KCNQ5: variants seen among roughly 807,000 people sequenced by gnomAD.
KCNQ5 encodes the protein potassium voltage-gated channel subfamily Q member 5, also known as potassium voltage-gated channel subfamily KQT member 5.
KCNQ5 carries 30 observed loss-of-function variants against 98.2 expected under a neutral mutation model. The observed-to-expected ratio is 0.31, with a 90% CI of 0.23 to 0.41. The LOEUF (loss-of-function observed/expected upper bound fraction) is 0.41, where lower values mean the gene tolerates loss of function less well. KCNQ5 is among the 10% of genes least tolerant of loss of function. The pLI is 1.00. For missense variants in KCNQ5, 835 were observed against 1,182.5 expected (o/e 0.71, Z 4.31); for synonymous variants, 458 against 449.4 (o/e 1.02, Z -0.24).
At chr6:72,697,352 A>G (rs1276812243) in intron 1 of KCNQ5, among the ~76,000 whole-genome samples, 1 of 152,190 alleles carries the variant, frequency 6.6e-6, no homozygotes, top group African/African-American at 2.4e-5. Flanking sequence ...AAAGGGCCAT[A>G]TAGAAGTTAT....
intron 1 of KCNQ5, among the ~76,000 whole-genome samples, chr6:72,624,894 T>C (rs1360197523): frequency 6.6e-6 from 1 of 152,208 alleles, no homozygotes; most frequent in African/African-American, 2.4e-5. Context: ...AGCTTTAGAA[T>C]AGCCAGACTT....
rs74688590 is a variant in KCNQ5, at chr6:72,751,922, A to G, written c.398+129335A>G. On this transcript the variant is annotated intron_variant, in intron 1 of 13. Transcript: ENST00000370398. ...TAAAGATAGGAAAGTGATGCTCAAGATATTTATATAAATTTCACCAAGTAG... is the reference window on the plus strand; with the variant it reads ...TAAAGATAGGAAAGTGATGCTCAAGGTATTTATATAAATTTCACCAAGTAG... 1.6e-4 allele frequency among the ~76,000 whole-genome samples: 25 copies of G among 152,260 alleles called. No individual in the cohort carries two copies. In the East Asian group the frequency reaches 4.8e-3, roughly 29 times the overall value.
chr6:72,806,942 A>G (rs1350983975), intron 1 of KCNQ5: 1 of 344,366 alleles, frequency 2.9e-6, no homozygotes, highest in Non-Finnish European at 5.6e-6. Flanking sequence ...ATAAACATTC[A>G]GTTTTATAAG....
chr6:73,047,149 T>C (rs750480816), intron 3 of KCNQ5, among the ~76,000 whole-genome samples: 2 of 152,246 alleles, frequency 1.3e-5, no homozygotes, highest in African/African-American at 2.4e-5. Context: ...TTGAACCTTA[T>C]CTATTGTCAT....
chr6:73,158,072 C>T, intron 10 of KCNQ5: 1 of 548,594 alleles, frequency 1.8e-6, no homozygotes, highest in Non-Finnish European at 3.4e-6. Flanking sequence ...CAGGACGCCG[C>T]CGGAACCCGC....
intron 5 of KCNQ5, among the ~76,000 whole-genome samples, chr6:73,087,592 GGAAA>G: frequency 6.6e-6 from 1 of 152,024 alleles, no homozygotes; most frequent in East Asian, 1.9e-4. Context: ...AAGATCACCT[GGAAA>G]GAGAGAAAAA....
intron 1 of KCNQ5, among the ~76,000 whole-genome samples, chr6:72,663,029 T>C (rs1458558972): frequency 2.0e-5 from 3 of 152,070 alleles, no homozygotes; most frequent in African/African-American, 7.2e-5. Context: ...TAATCCTGTT[T>C]CTCAAGAACA....
chr6:73,027,520 G>T (rs1392383234), intron 2 of KCNQ5, among the ~76,000 whole-genome samples: 1 of 152,220 alleles, frequency 6.6e-6, no homozygotes, highest in Non-Finnish European at 1.5e-5. Context: ...GATACTTAGA[G>T]AATCTCTGCT....
intron 1 of KCNQ5, among the ~76,000 whole-genome samples, chr6:72,803,128 A>G (rs538623678): frequency 6.6e-6 from 1 of 152,292 alleles, no homozygotes; most frequent in South Asian, 2.1e-4. Context: ...ACCAACCACA[A>G]TCAATAATTG....
At chr6:72,821,482 G>A (rs1439528360) in intron 1 of KCNQ5, among the ~76,000 whole-genome samples, 1 of 152,012 alleles carries the variant, frequency 6.6e-6, no homozygotes, top group African/African-American at 2.4e-5. Context: ...TCACATATTA[G>A]TTCTTGTTAC....
chr6:72,960,551 T>C (rs1767291838), intron 1 of KCNQ5, among the ~76,000 whole-genome samples: 2 of 152,264 alleles, frequency 1.3e-5, no homozygotes, highest in Middle Eastern at 3.4e-3. Context: ...TGCCTCGGCC[T>C]CCCGAGTAGC....
chr6:73,007,586 T>G (rs1457186297), intron 2 of KCNQ5, among the ~76,000 whole-genome samples: 1 of 152,156 alleles, frequency 6.6e-6, no homozygotes, highest in East Asian at 1.9e-4. Flanking sequence ...TGCAGTTAAT[T>G]TTGTCCATTT....
intron 1 of KCNQ5, among the ~76,000 whole-genome samples, chr6:72,811,861 A>G (rs926484358): frequency 2.0e-5 from 3 of 152,214 alleles, no homozygotes; most frequent in Non-Finnish European, 2.9e-5. Context: ...TGGCTACTCC[A>G]TAGGCAGAGC....
At chr6:72,796,502 CTG>C (rs1219299751) in intron 1 of KCNQ5, among the ~76,000 whole-genome samples, 4 of 152,292 alleles carry the variant, frequency 2.6e-5, no homozygotes, top group Middle Eastern at 6.8e-3. Context: ...GCTATGACCT[CTG>C]TGAATGTCCT....
At chr6:72,809,013 T>C (rs1240316326) in intron 1 of KCNQ5, among the ~76,000 whole-genome samples, 1 of 151,290 alleles carries the variant, frequency 6.6e-6, no homozygotes, top group Non-Finnish European at 1.5e-5. Flanking sequence ...AACGATAGAC[T>C]GGATTAAGAA....
At position 72,896,014 on chromosome 6, in the gene KCNQ5, A is replaced by G. The variant is rs79486384; in HGVS notation, c.399-107894A>G. On this transcript the variant is annotated intron_variant, in intron 1 of 13. Transcript: ENST00000370398. ...TATTTTAAAACAATGTGCCTAAGTC[A>G]CAAAACTTAATAGTCTCAAAATAGA... Among the ~76,000 whole-genome samples, 1,192 of 152,284 alleles carry G rather than the reference A, an allele frequency of 7.8e-3. 39 individuals are homozygous for G. Among genetic ancestry groups the G allele is most frequent in the Admixed American group, 0.061 (929 of 15,306 alleles).
intron 11 of KCNQ5, among the ~76,000 whole-genome samples, chr6:73,179,748 C>T (rs1778340324): frequency 1.3e-5 from 2 of 152,176 alleles, no homozygotes; most frequent in African/African-American, 2.4e-5. Flanking sequence ...AAAGCACTGT[C>T]ATCTCCTCCA....
At chr6:72,782,730 A>G (rs1334642994) in intron 1 of KCNQ5, among the ~76,000 whole-genome samples, 3 of 152,072 alleles carry the variant, frequency 2.0e-5, no homozygotes, top group African/African-American at 4.8e-5. Context: ...GTTTTTTATC[A>G]TAACACCAGG....
At chr6:73,124,936 GATATATATATATAT>G (rs1180218889) in intron 9 of KCNQ5, among the ~76,000 whole-genome samples, 6 of 76,278 alleles carry the variant, frequency 7.9e-5, no homozygotes, top group African/African-American at 1.8e-4. Flanking sequence ...CTTTTGGAGT[GATATATATATATAT>G]ATATATATAT....
Sources: allele counts gnomAD v4.1 joint callset (sites outside exome capture counted in the v4.1 genomes callset), GRCh38; gene constraint gnomAD v4.1.1; transcripts MANE v1.5; gene names NCBI Gene and HGNC (gene_info 2026-07-23, HGNC 2026-07-21).